SCMH1: variants seen among roughly 807,000 people sequenced by gnomAD.
The protein encoded by SCMH1 is Scm polycomb group protein homolog 1, also known as polycomb protein SCMH1.
Under a neutral mutation model 70.8 loss-of-function variants are expected in SCMH1, and 37 were observed. The observed-to-expected ratio is 0.52, with a 90% CI of 0.40 to 0.69. The LOEUF (loss-of-function observed/expected upper bound fraction) is 0.69. Ranked by LOEUF, SCMH1 falls within the 30% of genes least tolerant of loss-of-function variation. The pLI is 0.00. For synonymous variants in SCMH1, 292 were observed against 307.4 expected, an observed-to-expected ratio of 0.95 and a Z score of 0.52; for missense variants, 607 against 827.3, an observed-to-expected ratio of 0.73 and a Z score of 3.27.
At chr1:41,175,319 G>A (rs1362575047) in intron 2 of SCMH1, among the ~76,000 whole-genome samples, 1 of 152,184 alleles carries the variant, frequency 6.6e-6, no homozygotes, top group African/African-American at 2.4e-5. Context: ...CCTAGTTCTT[G>A]AGCCTCCAGT....
chr1:41,172,974 A>G (rs780168621), intron 2 of SCMH1, among the ~76,000 whole-genome samples: 15 of 152,206 alleles, frequency 9.9e-5, no homozygotes, highest in Non-Finnish European at 1.5e-4. Flanking sequence ...GCCTGAAACT[A>G]TAAAACTACT....
At chr1:41,205,126 G>A (rs186911010) in intron 1 of SCMH1, among the ~76,000 whole-genome samples, 29 of 152,300 alleles carry the variant, frequency 1.9e-4, no homozygotes, top group Admixed American at 1.2e-3. Flanking sequence ...CAGCATGATC[G>A]ATGCAGAATA....
At chr1:41,055,627 C>T (rs759058835) in intron 10 of SCMH1, among the ~76,000 whole-genome samples, 1 of 152,236 alleles carries the variant, frequency 6.6e-6, no homozygotes, top group Non-Finnish European at 1.5e-5. Flanking sequence ...CCACCGCGCC[C>T]GGCCTCAGAA....
At chr1:41,147,569 T>G (rs916762796) in intron 5 of SCMH1, among the ~76,000 whole-genome samples, 1 of 152,164 alleles carries the variant, frequency 6.6e-6, no homozygotes, top group African/African-American at 2.4e-5. Flanking sequence ...GTTCATAGTG[T>G]TGTTCAAATC....
At chr1:41,154,715 A>G (rs213743) in intron 4 of SCMH1, among the ~76,000 whole-genome samples, 129,456 of 152,236 alleles carry the variant, frequency 0.85, 55,548 homozygotes, top group East Asian at 0.97. Flanking sequence ...AGAGATTATT[A>G]CGAAGATTAA....
intron 8 of SCMH1, among the ~76,000 whole-genome samples, chr1:41,075,831 G>A (rs1253590894): frequency 1.3e-5 from 2 of 152,186 alleles, no homozygotes; most frequent in African/African-American, 4.8e-5. Flanking sequence ...CTCAGAACAA[G>A]ACACAATGCC....
intron 11 of SCMH1, among the ~76,000 whole-genome samples, chr1:41,047,091 T>TAA (rs1450163532): frequency 6.6e-6 from 1 of 152,234 alleles, no homozygotes; most frequent in Non-Finnish European, 1.5e-5. Context: ...TGCTTGGTGT[T>TAA]AGTTTACTTC....
chr1:41,235,191 C>T (rs944843828), intron 1 of SCMH1, among the ~76,000 whole-genome samples: 1 of 152,160 alleles, frequency 6.6e-6, no homozygotes, highest in South Asian at 2.1e-4. Flanking sequence ...TTATGGTTCA[C>T]TCTAATATTA....
rs937828143 is a variant in SCMH1, at chr1:41,164,733, A to AT, written c.14-3302dup. On this transcript the variant is annotated intron_variant, in intron 2 of 14. Coordinates refer to ENST00000337495, the Ensembl canonical transcript of SCMH1. ...CAAAAACCTTGCAAGTATCCCCTTT[A>AT]TTTTTTTTGCTTTTATTTGTAATTG... Among the ~76,000 whole-genome samples the AT allele has an allele frequency of 5.3e-5, 8 of 151,250 alleles. No homozygotes were observed. In the East Asian group the frequency reaches 5.8e-4, roughly 11 times the overall value.
At position 41,038,305 on chromosome 1, in the gene SCMH1, CA is replaced by C. The variant is rs1354921453; in HGVS notation, c.1499-765del. Among the ~76,000 whole-genome samples, 7 of 152,332 alleles carry C rather than the reference CA, an allele frequency of 4.6e-5. No individual in the cohort carries two copies. In the East Asian group the frequency reaches 1.2e-3, roughly 25 times the overall value. ...TGGCCCAACACCAGGCGGCAGCACC[CA>C]ATCACTGTACAAAGAACCCGAAGCA... On this transcript the variant is annotated intron_variant, in intron 12 of 14. Coordinates refer to ENST00000337495, the Ensembl canonical transcript of SCMH1.
chr1:41,116,754 G>A (rs184532323), intron 7 of SCMH1, among the ~76,000 whole-genome samples, 168 bp downstream of exon 7: 2,253 of 149,278 alleles, frequency 0.015, 25 homozygotes, highest in Middle Eastern at 0.028. Context: ...GGACCTTATA[G>A]TCTAATATAT....
chr1:41,077,198 AG>A (rs1373780114), intron 8 of SCMH1, among the ~76,000 whole-genome samples: 1 of 152,164 alleles, frequency 6.6e-6, no homozygotes, highest in Non-Finnish European at 1.5e-5. Context: ...TGGAATTCCA[AG>A]GGGTGGCCTC....
rs1644076158 is a variant in SCMH1, at chr1:41,141,565, GTC to G, written c.412+1311_412+1312del. Among the ~76,000 whole-genome samples the G allele has an allele frequency of 3.3e-5, 5 of 152,274 alleles. No homozygotes were observed. In the South Asian group the frequency reaches 1.0e-3, roughly 32 times the overall value. ...AAAAATTGAACCAGAATCTGATCAA[GTC>G]TCTACATTTAGCTACCAATTTTAGG... On this transcript the variant is annotated intron_variant, in intron 6 of 14. Transcript: ENST00000337495.
At chr1:41,134,853 A>C (rs561805410) in intron 6 of SCMH1, among the ~76,000 whole-genome samples, 1 of 152,258 alleles carries the variant, frequency 6.6e-6, no homozygotes, top group Non-Finnish European at 1.5e-5. Context: ...TGAGGTATAA[A>C]CATACTTTTT....
rs375786060 is a variant in SCMH1 at position 41,191,194 on chromosome 1, A to G, written c.-117-4944T>C. ...CTGGTCCCCTTTTAAGTTCTATCAT[A>G]TTGCAGGTTTATGGGCAAGGCCCAG... is the stretch of plus-strand genomic sequence containing the variant. On this transcript the variant is annotated intron_variant, in intron 1 of 14. Transcript: ENST00000337495. Among the ~76,000 whole-genome samples, 42 of 152,280 alleles carry G rather than the reference A, an allele frequency of 2.8e-4. No individual in the cohort carries two copies. The South Asian group carries it at 8.7e-3, about 32-fold the overall frequency.
chr1:41,093,597 A>G (rs977591812), intron 8 of SCMH1, among the ~76,000 whole-genome samples: 3 of 152,188 alleles, frequency 2.0e-5, no homozygotes, highest in African/African-American at 7.2e-5. Flanking sequence ...TAATATTAAA[A>G]TCTTTTAGTC....
chr1:41,234,033 C>T (rs1379840354), intron 1 of SCMH1, among the ~76,000 whole-genome samples: 1 of 152,172 alleles, frequency 6.6e-6, no homozygotes, highest in Non-Finnish European at 1.5e-5. Flanking sequence ...TCCACATATT[C>T]CACCTGGCAG....
chr1:41,198,693 C>T (rs1222399893), intron 1 of SCMH1, among the ~76,000 whole-genome samples: 1 of 152,094 alleles, frequency 6.6e-6, no homozygotes, highest in Non-Finnish European at 1.5e-5. Context: ...CATTTCAAAG[C>T]CCACCACACT....
chr1:41,109,822 G>C (rs763858841), intron 8 of SCMH1, among the ~76,000 whole-genome samples: 36 of 152,182 alleles, frequency 2.4e-4, no homozygotes, highest in Non-Finnish European at 4.6e-4. Context: ...AAAAAGGAAT[G>C]CATATCCAGC....
Sources: allele counts gnomAD v4.1 joint callset (sites outside exome capture counted in the v4.1 genomes callset), GRCh38; gene constraint gnomAD v4.1.1; transcripts MANE v1.5; gene names NCBI Gene and HGNC (gene_info 2026-07-23, HGNC 2026-07-21).